FAT4: variants seen among roughly 807,000 people sequenced by gnomAD.
FAT4 encodes the protein protocadherin Fat 4.
A neutral mutation model predicts 303.9 loss-of-function variants in FAT4; 84 were observed. The ratio of observed to expected loss-of-function variants is 0.28; its 90% CI spans 0.23 to 0.33. The LOEUF (loss-of-function observed/expected upper bound fraction) is 0.33, where lower values mean the gene tolerates loss of function less well. Among genes scored for constraint, FAT4 ranks in the 10% least tolerant of loss-of-function variants. The pLI is 1.00. For missense variants in FAT4, 6,005 were observed against 6,146.8 expected (o/e 0.98, Z 0.77); for synonymous variants, 2,307 against 2,298.8 (o/e 1.00, Z -0.10).
chr4:125,408,836 C>A, intron 5 of FAT4, 42 bp downstream of exon 5: 2 of 1,029,852 alleles, frequency 1.9e-6, no homozygotes, highest in Middle Eastern at 3.0e-4. Flanking sequence ...CATCTATAAA[C>A]TGTCATCAGA....
chr4:125,379,834 C>A (rs1347531447), intron 2 of FAT4, among the ~76,000 whole-genome samples: 7 of 150,212 alleles, frequency 4.7e-5, no homozygotes, highest in Non-Finnish European at 5.9e-5. Flanking sequence ...AAAAAAAAAA[C>A]ACACACATAT....
At chr4:125,358,235 C>T (rs1392409047) in intron 2 of FAT4, among the ~76,000 whole-genome samples, 1 of 152,012 alleles carries the variant, frequency 6.6e-6, no homozygotes, top group East Asian at 1.9e-4. Context: ...TCTTCATCAG[C>T]GATCCCCAAC....
intron 16 of FAT4, among the ~76,000 whole-genome samples, chr4:125,484,002 T>TTCTCGCTC (rs112541318): frequency 7.7e-6 from 1 of 129,822 alleles, no homozygotes. Context: ...ATGGTTTGCA[T>TTCTCGCTC]TCTCTCTCTC....
At chr4:125,362,525 G>A (rs149427086) in intron 2 of FAT4, among the ~76,000 whole-genome samples, 10 of 152,244 alleles carry the variant, frequency 6.6e-5, no homozygotes, top group East Asian at 5.8e-4. Context: ...ATCTGCAAGC[G>A]AAGAATTGGG....
chr4:125,475,689 A>C (rs938195480), intron 12 of FAT4, among the ~76,000 whole-genome samples: 3 of 152,124 alleles, frequency 2.0e-5, no homozygotes, highest in Non-Finnish European at 4.4e-5. Flanking sequence ...AGATTGCTAT[A>C]TAGTATTTAT....
intron 2 of FAT4, among the ~76,000 whole-genome samples, chr4:125,322,882 G>A (rs12512660): frequency 6.6e-6 from 1 of 151,790 alleles, no homozygotes; most frequent in East Asian, 1.9e-4. Context: ...TACCTACATA[G>A]CACTGAAAGG....
intron 2 of FAT4, among the ~76,000 whole-genome samples, chr4:125,389,448 AT>A (rs1459359986): frequency 6.6e-6 from 1 of 152,114 alleles, no homozygotes; most frequent in African/African-American, 2.4e-5. Flanking sequence ...ATGCTTATTC[AT>A]TTTTTTCTTC....
intron 10 of FAT4, among the ~76,000 whole-genome samples, chr4:125,455,662 G>T (rs1480372935): frequency 6.6e-6 from 1 of 152,148 alleles, no homozygotes; most frequent in Non-Finnish European, 1.5e-5. Flanking sequence ...CTTGGCTCTG[G>T]TGCCTCTGCT....
Position 125,449,077 on chromosome 4 carries a change from A to G in FAT4, c.8067A>G (p.Ile2689Met), listed in dbSNP as rs377081426. ...EILENLSPRK[I>M]LTVSAMDKDS... ...TGGAAAACCTTTCCCCTCGAAAAAT[A>G]CTTACTGTTTCGGCAATGGACAAGG... The change falls in exon 10 of 18, where the codon ATA (isoleucine) becomes ATG (methionine). Residue 2689 changes from isoleucine (I) to methionine (M), a missense_variant. Transcript: ENST00000394329. 4 of 1,613,830 alleles carry G rather than the reference A, an allele frequency of 2.5e-6. No homozygotes were observed. Among genetic ancestry groups the G allele is most frequent in the South Asian group, 2.2e-5 (2 of 91,064 alleles).
At chr4:125,395,374 A>G (rs1163509893) in intron 2 of FAT4, among the ~76,000 whole-genome samples, 1 of 152,098 alleles carries the variant, frequency 6.6e-6, no homozygotes, top group Non-Finnish European at 1.5e-5. Context: ...CAGTGATGCC[A>G]TCTTGGCTCA....
intron 2 of FAT4, among the ~76,000 whole-genome samples, chr4:125,377,331 C>A (rs562631137): frequency 2.9e-4 from 43 of 149,376 alleles, no homozygotes; most frequent in South Asian, 6.4e-4. Flanking sequence ...CATTCTTTAT[C>A]AAAAAAAAAC....
chr4:125,418,184 G>A (rs190561814), intron 7 of FAT4, among the ~76,000 whole-genome samples: 1 of 152,166 alleles, frequency 6.6e-6, no homozygotes, highest in Admixed American at 6.5e-5. Flanking sequence ...CAAATCTGTA[G>A]TGTTCTAAGG....
intron 10 of FAT4, among the ~76,000 whole-genome samples, chr4:125,460,423 C>T (rs2390842): frequency 0.51 from 77,963 of 151,626 alleles, 20,331 homozygotes; most frequent in Non-Finnish European, 0.57. Flanking sequence ...TTCCTGCTCC[C>T]CTCCCTCCTC....
In FAT4 at chr4:125,490,279, G is replaced by T. The variant is rs1482333544; in HGVS notation, c.13463G>T (p.Gly4488Val). Residue 4488 changes from glycine to valine, a missense_variant, in exon 18 of 18, where the codon GGG becomes GTG. By Grantham distance (109) the Gly-to-Val change is moderately radical. Transcript: ENST00000394329. ...GTGTGCAAAGCTGGAAGTCCTGCGG[G>T]GCATGTCTGTGTTCTGAGTCAGGGC... ...GKVCKAGSPA[G>V]HVCVLSQGPE... The T allele has an allele frequency of 6.2e-7, 1 of 1,613,996 alleles. No homozygotes were observed. Among genetic ancestry groups the T allele is most frequent in the African/African-American group, 1.3e-5 (1 of 74,912 alleles).
At position 125,317,182 on chromosome 4, in the gene FAT4, G is replaced by A. The variant is rs551079878; in HGVS notation, c.771G>A (p.Ala257=). ...TTTTTGGCAGTTCTCACTACCAGGC[G>A]GGGGTGCCTGAGGACGCGGTTGTGG... The part of the protein sequence containing the change: ...PPVFGSSHYQ[A]GVPEDAVVGS... Residue 257 remains alanine, a synonymous_variant, in exon 2 of 18, where the codon GCG becomes GCA. Transcript: ENST00000394329. This position sits in a 1 kb window ranked among gnomAD's most constrained non-coding sequence, Gnocchi z 7.0. The A allele has an allele frequency of 1.4e-5, 22 of 1,598,486 alleles. No homozygotes were observed. In the African/African-American group the frequency reaches 1.9e-4, roughly 14 times the overall value.
chr4:125,318,647 T>G lies in FAT4; in HGVS notation c.2236T>G (p.Ser746Ala). 6.2e-7 allele frequency: 1 copy of G among 1,614,132 alleles called. No homozygotes were observed. Among genetic ancestry groups the G allele is most frequent in the South Asian group, 1.1e-5 (1 of 91,080 alleles). The stretch of plus-strand genomic sequence containing the variant: ...GGTCAATGCTCAGAGTGGGGTTATT[T>G]CTACAAGAATGGCCCTAGACAGAGA... ...FQVNAQSGVISTRMALDREEK... is the reference protein window; with the variant it reads ...FQVNAQSGVIATRMALDREEK... The change falls in exon 2 of 18, where the codon TCT (serine) becomes GCT (alanine). Residue 746 changes from serine to alanine, a missense_variant. By Grantham distance (99) the Ser-to-Ala change is moderately conservative (BLOSUM62 1). Coordinates refer to ENST00000394329, the MANE Select transcript of FAT4 (RefSeq NM_001291303.3).
intron 2 of FAT4, among the ~76,000 whole-genome samples, chr4:125,363,283 T>G (rs1165203323): frequency 2.6e-5 from 4 of 151,662 alleles, no homozygotes; most frequent in African/African-American, 4.8e-5. Context: ...TTATATATAA[T>G]TTCTTAGTTT....
intron 2 of FAT4, among the ~76,000 whole-genome samples, chr4:125,341,479 G>A (rs1731792685): frequency 6.6e-6 from 1 of 151,824 alleles, no homozygotes; most frequent in African/African-American, 2.4e-5. Context: ...AAATGATGAG[G>A]GGTATAGTAA....
chr4:125,491,098 T>C lies in FAT4; in HGVS notation c.14282T>C (p.Met4761Thr), dbSNP rs1727619174. ...AGGAGAAGCAAGAGTCCTCAGGCCA[T>C]GGCATCACATGGTTCTAGACCAGGG... ...LGRRSKSPQA[M>T]ASHGSRPGSR... Residue 4761 changes from methionine to threonine, a missense_variant, in exon 18 of 18, where the codon ATG (methionine) becomes ACG (threonine). Met to Thr is a moderately conservative substitution (Grantham distance 81). Transcript: ENST00000394329. 3 of 1,614,082 alleles carry C rather than the reference T, an allele frequency of 1.9e-6. No homozygotes were observed. Among genetic ancestry groups the C allele is most frequent in the Non-Finnish European group, 2.5e-6 (3 of 1,180,038 alleles).
Sources: allele counts gnomAD v4.1 joint callset (sites outside exome capture counted in the v4.1 genomes callset), GRCh38; gene constraint gnomAD v4.1.1; non-coding constraint Gnocchi (gnomAD v3.1); transcripts MANE v1.5; gene names NCBI Gene and HGNC (gene_info 2026-07-23, HGNC 2026-07-21).